The following SH3GL3 variants were observed in gnomAD, a reference collection of about 807,000 sequenced individuals.
The protein encoded by SH3GL3 is endophilin-A3.
Under a neutral mutation model 47.7 loss-of-function variants are expected in SH3GL3, and 33 were observed. The ratio of observed to expected loss-of-function variants is 0.69; its 90% CI spans 0.52 to 0.92. The LOEUF (loss-of-function observed/expected upper bound fraction) is 0.92. SH3GL3 is among the 40% of genes least tolerant of loss of function. The pLI, the probability that SH3GL3 is intolerant of heterozygous loss-of-function variation, is 0.00. For synonymous variants in SH3GL3, 155 were observed against 148.8 expected (o/e 1.04, Z -0.30); for missense variants, 363 against 417.8 (o/e 0.87, Z 1.14).
chr15:83,491,161 G>C (rs1447809951), intron 1 of SH3GL3, among the ~76,000 whole-genome samples: 1 of 152,212 alleles, frequency 6.6e-6, no homozygotes, highest in Non-Finnish European at 1.5e-5. Flanking sequence ...TTTGGAGACA[G>C]AGTCCCTAAG....
chr15:83,622,784 C>CG (rs1174357419), downstream of SH3GL3, among the ~76,000 whole-genome samples: 3 of 152,270 alleles, frequency 2.0e-5, no homozygotes, highest in Non-Finnish European at 1.5e-5. Context: ...GCAGTAGCCA[C>CG]TGTCTTCCCT....
intron 1 of SH3GL3, among the ~76,000 whole-genome samples, chr15:83,543,927 G>T (rs377646011): frequency 4.0e-4 from 60 of 151,740 alleles, no homozygotes; most frequent in African/African-American, 1.4e-3. Flanking sequence ...CTGGCTAAAG[G>T]TTTGTCAATT....
chr15:83,572,003 A>G (rs2045842575), intron 4 of SH3GL3, among the ~76,000 whole-genome samples: 1 of 151,984 alleles, frequency 6.6e-6, no homozygotes, highest in Non-Finnish European at 1.5e-5. Context: ...CCCCCACCCC[A>G]CCCTGCTGAC....
At chr15:83,557,103 T>A (rs547154305) in intron 1 of SH3GL3, among the ~76,000 whole-genome samples, 83 of 152,224 alleles carry the variant, frequency 5.5e-4, no homozygotes, top group African/African-American at 1.9e-3. Context: ...CGTGGAAAAA[T>A]AGACTTCTTA....
intron 8 of SH3GL3, among the ~76,000 whole-genome samples, chr15:83,600,503 T>A (rs1369927456): frequency 2.0e-5 from 3 of 152,166 alleles, no homozygotes; most frequent in Admixed American, 6.5e-5. Context: ...TGGCTGTACG[T>A]ATTTGGCTTT....
chr15:83,576,369 C>T (rs994796226), intron 5 of SH3GL3, among the ~76,000 whole-genome samples: 2 of 152,182 alleles, frequency 1.3e-5, no homozygotes, highest in Admixed American at 6.5e-5. Flanking sequence ...CCGATCTGTC[C>T]ATTCATTCAT....
rs184262016 is a variant in SH3GL3 at position 83,512,896 on chromosome 15, C to T, written c.46-46357C>T. Among the ~76,000 whole-genome samples, 87 of 152,304 alleles carry T rather than the reference C, an allele frequency of 5.7e-4. No homozygotes were observed. The East Asian group carries it at 0.013, about 24-fold the overall frequency. ...GCTGCCAGCAATATTGTTCCTGCTT[C>T]CCACATTTTAAAAAGGTTATCTCTT... On this transcript the variant is annotated intron_variant, in intron 1 of 8. Coordinates refer to ENST00000427482, the MANE Select transcript of SH3GL3 (RefSeq NM_003027.5).
intron 8 of SH3GL3, among the ~76,000 whole-genome samples, chr15:83,602,807 CTT>C (rs2060421582): frequency 6.6e-6 from 1 of 152,134 alleles, no homozygotes; most frequent in African/African-American, 2.4e-5. Context: ...CAGGGAGACT[CTT>C]TTGTCTTTTA....
At chr15:83,547,790 TA>T (rs1376369349) in intron 1 of SH3GL3, among the ~76,000 whole-genome samples, 1 of 145,550 alleles carries the variant, frequency 6.9e-6, no homozygotes, top group African/African-American at 2.5e-5. Flanking sequence ...TTTTTTTTTT[TA>T]AATGCTGGCT....
chr15:83,624,557 A>G, the SH3GL3 span, among the ~76,000 whole-genome samples: 2 of 152,266 alleles, frequency 1.3e-5, no homozygotes, highest in African/African-American at 2.4e-5. Flanking sequence ...ATGTCAGAGC[A>G]TAGAGTCAGG....
At chr15:83,489,853 A>C (rs1374783431) in intron 1 of SH3GL3, among the ~76,000 whole-genome samples, 1 of 105,864 alleles carries the variant, frequency 9.4e-6, no homozygotes, top group African/African-American at 3.7e-5. Context: ...ATAGATAGAT[A>C]GATAGATAGA....
rs190724388 is a variant in SH3GL3 at position 83,574,122 on chromosome 15, G to A, written c.465+1424G>A. Among the ~76,000 whole-genome samples, 41 of 152,262 alleles carry A rather than the reference G, an allele frequency of 2.7e-4. No homozygotes were observed. In the East Asian group the frequency reaches 7.6e-3, roughly 28 times the overall value. Reference sequence around the variant, plus strand: ...TCGGGGACCTCGGTTGTGTGATATGGCCAGGGGATAGGGTGTGTAGGGGTG... The same window carrying A: ...TCGGGGACCTCGGTTGTGTGATATGACCAGGGGATAGGGTGTGTAGGGGTG... On this transcript the variant is annotated intron_variant, in intron 5 of 8. Transcript: ENST00000427482.
intron 1 of SH3GL3, among the ~76,000 whole-genome samples, chr15:83,485,894 A>G (rs1464382329): frequency 6.6e-6 from 1 of 152,234 alleles, no homozygotes; most frequent in Non-Finnish European, 1.5e-5. Context: ...GAAAAATACT[A>G]TGAATACCTC....
intron 3 of SH3GL3, among the ~76,000 whole-genome samples, chr15:83,567,584 C>G (rs2045608335): frequency 6.6e-6 from 1 of 152,154 alleles, no homozygotes; most frequent in Non-Finnish European, 1.5e-5. Context: ...CCACACAAGG[C>G]TAGTGTTCAC....
intron 4 of SH3GL3, 46 bp downstream of exon 4, chr15:83,568,718 T>C (rs1184230506): frequency 3.3e-6 from 5 of 1,516,612 alleles, no homozygotes; most frequent in Non-Finnish European, 1.8e-6. Flanking sequence ...ACTCCTCCAG[T>C]ATGGTTTTAG....
chr15:83,542,321 T>G (rs899575795), intron 1 of SH3GL3, among the ~76,000 whole-genome samples: 4 of 152,190 alleles, frequency 2.6e-5, no homozygotes, highest in Non-Finnish European at 4.4e-5. Context: ...TTTTGTTCCA[T>G]TGGTCTGTGT....
downstream of SH3GL3, among the ~76,000 whole-genome samples, chr15:83,620,354 T>C (rs934634160): frequency 6.6e-6 from 1 of 152,218 alleles, no homozygotes; most frequent in African/African-American, 2.4e-5. Flanking sequence ...CCCAGATCCA[T>C]CAATAGAATC....
chr15:83,505,383 T>C (rs2042456311), intron 1 of SH3GL3, among the ~76,000 whole-genome samples: 1 of 152,150 alleles, frequency 6.6e-6, no homozygotes, highest in Non-Finnish European at 1.5e-5. Flanking sequence ...TCCTTGCCAA[T>C]CCGTGGTATT....
chr15:83,482,107 A>C (rs906817854), intron 1 of SH3GL3, among the ~76,000 whole-genome samples: 1 of 152,220 alleles, frequency 6.6e-6, no homozygotes, highest in African/African-American at 2.4e-5. Context: ...GATCTATTAA[A>C]AAATTTGTAT....
Sources: allele counts gnomAD v4.1 joint callset (sites outside exome capture counted in the v4.1 genomes callset), GRCh38; gene constraint gnomAD v4.1.1; transcripts MANE v1.5; gene names NCBI Gene and HGNC (gene_info 2026-07-23, HGNC 2026-07-21).